Variants in NCAM2 observed in about 807,000 individuals in gnomAD.
The protein encoded by NCAM2 is neural cell adhesion molecule 2.
In NCAM2, 30 loss-of-function variants were observed where a neutral mutation model predicts 98.1. The ratio of observed to expected loss-of-function variants is 0.31; its 90% CI spans 0.23 to 0.41. The LOEUF is 0.41. Ranked by LOEUF, NCAM2 falls within the 10% of genes least tolerant of loss-of-function variation. The pLI is 1.00. For synonymous variants in NCAM2, 368 were observed against 342.4 expected (o/e 1.07, Z -0.83); for missense variants, 867 against 1,005.8 (o/e 0.86, Z 1.87).
chr21:21,374,067 A>G (rs1407519204), intron 9 of NCAM2, 54 bp downstream of exon 9: 1 of 1,554,868 alleles, frequency 6.4e-7, no homozygotes, highest in Non-Finnish European at 8.7e-7. Context: ...GCTTTGAAAC[A>G]TATGATTTTT....
chr21:21,293,560 C>T (rs888914286), intron 5 of NCAM2, among the ~76,000 whole-genome samples: 4 of 151,676 alleles, frequency 2.6e-5, no homozygotes, highest in Non-Finnish European at 4.4e-5. Flanking sequence ...GTACAGAGTC[C>T]GATATTTATT....
intron 1 of NCAM2, among the ~76,000 whole-genome samples, chr21:21,049,626 C>T (rs1049809703): frequency 1.3e-5 from 2 of 151,868 alleles, no homozygotes; most frequent in Admixed American, 6.6e-5. Context: ...AATCCCAGCA[C>T]TTTGGGAGGC....
At chr21:21,078,481 A>G (rs112152438) in intron 1 of NCAM2, among the ~76,000 whole-genome samples, 42 of 152,322 alleles carry the variant, frequency 2.8e-4, no homozygotes, top group African/African-American at 9.6e-4. Flanking sequence ...CAAAACCACA[A>G]TGCAATACCA....
chr21:21,085,832 G>A lies in NCAM2; in HGVS notation c.55+87214G>A, dbSNP rs370981845. Among the ~76,000 whole-genome samples, 8 of 152,030 alleles carry A rather than the reference G, an allele frequency of 5.3e-5. No homozygotes were observed. In the East Asian group the frequency reaches 1.5e-3, roughly 29 times the overall value. ...ATCTGCCTACTATTTAAAAAATTTT[G>A]TTATTTCAAAAATGTTACATAAGTA... On this transcript the variant is annotated intron_variant, in intron 1 of 17. Coordinates refer to ENST00000400546, the MANE Select transcript of NCAM2 (RefSeq NM_004540.5).
chr21:21,029,151 A>G (rs987169636), intron 1 of NCAM2, among the ~76,000 whole-genome samples: 4 of 152,228 alleles, frequency 2.6e-5, no homozygotes, highest in African/African-American at 9.6e-5. Flanking sequence ...TAAACTGTTC[A>G]TTAACAAAGA....
At chr21:21,066,684 T>C (rs2065445654) in intron 1 of NCAM2, among the ~76,000 whole-genome samples, 1 of 152,140 alleles carries the variant, frequency 6.6e-6, no homozygotes, top group Non-Finnish European at 1.5e-5. Context: ...TCTTTTACTT[T>C]AAAATCCAAA....
intron 1 of NCAM2, among the ~76,000 whole-genome samples, chr21:21,258,465 T>C (rs971310728): frequency 6.6e-6 from 1 of 152,156 alleles, no homozygotes; most frequent in African/African-American, 2.4e-5. Context: ...GATTGACTCC[T>C]GAGGTAATCA....
chr21:21,004,104 C>T (rs1006740079), intron 1 of NCAM2, among the ~76,000 whole-genome samples: 1 of 152,112 alleles, frequency 6.6e-6, no homozygotes, highest in African/African-American at 2.4e-5. Flanking sequence ...TACTAGAGCT[C>T]CAGTCTCCAA....
intron 1 of NCAM2, among the ~76,000 whole-genome samples, chr21:21,105,446 G>T (rs1378043451): frequency 1.3e-5 from 2 of 152,076 alleles, no homozygotes; most frequent in Non-Finnish European, 2.9e-5. Context: ...CAGCCAAAAT[G>T]GAAGCAAGTT....
At chr21:21,249,044 C>T (rs1207137650) in intron 1 of NCAM2, among the ~76,000 whole-genome samples, 1 of 151,748 alleles carries the variant, frequency 6.6e-6, no homozygotes, top group Non-Finnish European at 1.5e-5. Context: ...ATTTTTTATC[C>T]CTGATCTAGC....
intron 8 of NCAM2, among the ~76,000 whole-genome samples, chr21:21,365,272 T>TGTGTGTGTGTGTGTGA: frequency 1.4e-5 from 2 of 145,222 alleles, no homozygotes; most frequent in Admixed American, 7.0e-5. Flanking sequence ...TGTGTGTGTG[T>TGTGTGTGTGTGTGTGA]AAAAACAATG....
At chr21:21,017,440 A>AG (rs1168935724) in intron 1 of NCAM2, among the ~76,000 whole-genome samples, 16 of 150,430 alleles carry the variant, frequency 1.1e-4, no homozygotes, top group African/African-American at 3.4e-4. Context: ...AAAAAAAAAA[A>AG]AAAAAAAAGA....
intron 1 of NCAM2, chr21:21,146,982 C>T (rs938848247): frequency 2.0e-5 from 13 of 664,908 alleles, no homozygotes; most frequent in Non-Finnish European, 2.4e-5. Flanking sequence ...GAACTCAGAC[C>T]GCTGCCTTCT....
chr21:21,527,599 A>G (rs1989399601), intron 16 of NCAM2, among the ~76,000 whole-genome samples: 1 of 152,184 alleles, frequency 6.6e-6, no homozygotes, highest in African/African-American at 2.4e-5. Flanking sequence ...TAAGCTTATG[A>G]AAAGACATTT....
chr21:21,156,362 C>T (rs1360567115), intron 1 of NCAM2, among the ~76,000 whole-genome samples: 1 of 151,932 alleles, frequency 6.6e-6, no homozygotes, highest in East Asian at 1.9e-4. Flanking sequence ...TCAAGAAGAA[C>T]AACAATGTTT....
At chr21:21,062,652 T>C (rs2146333562) in intron 1 of NCAM2, among the ~76,000 whole-genome samples, 1 of 152,326 alleles carries the variant, frequency 6.6e-6, no homozygotes, top group Admixed American at 6.5e-5. Context: ...TACTTTGTAA[T>C]GGCAGTCCTA....
rs750432930 is a variant in NCAM2, at chr21:21,385,610, C to G, written c.1195+11597C>G. 1.8e-5 allele frequency: 23 copies of G among 1,286,722 alleles called. No individual in the cohort carries two copies. The South Asian group carries it at 2.7e-4, about 15-fold the overall frequency. The allele number at this position is 1,286,722 out of a possible 1,614,324, so 79.7% of individuals were successfully genotyped here. On this transcript the variant is annotated intron_variant, in intron 9 of 17. Coordinates refer to ENST00000400546, the MANE Select transcript of NCAM2 (RefSeq NM_004540.5). ...AACCTCTTTTGTGTTTCAGCTTAAACAGATTTCTTGGCATTCTTCCAGTTC... is the reference window on the plus strand; with the variant it reads ...AACCTCTTTTGTGTTTCAGCTTAAAGAGATTTCTTGGCATTCTTCCAGTTC...
chr21:21,452,761 TTATG>T (rs902017394), intron 12 of NCAM2, among the ~76,000 whole-genome samples: 1 of 106,820 alleles, frequency 9.4e-6, no homozygotes, highest in Non-Finnish European at 1.7e-5. Context: ...ATATATTACT[TTATG>T]TATTAAAATA....
intron 1 of NCAM2, chr21:21,226,578 T>C (rs1376128948): frequency 2.6e-5 from 4 of 152,210 alleles, no homozygotes; most frequent in Middle Eastern, 3.4e-3. Flanking sequence ...ACTAAAAATA[T>C]ATAAAGTACT....
Sources: allele counts gnomAD v4.1 joint callset (sites outside exome capture counted in the v4.1 genomes callset), GRCh38; gene constraint gnomAD v4.1.1; transcripts MANE v1.5; gene names NCBI Gene and HGNC (gene_info 2026-07-23, HGNC 2026-07-21).